Variants in FAT4 observed in about 807,000 individuals in gnomAD.
The protein encoded by FAT4 is protocadherin Fat 4.
A neutral mutation model predicts 303.9 loss-of-function variants in FAT4; 84 were observed. The ratio of observed to expected loss-of-function variants is 0.28; its 90% CI spans 0.23 to 0.33. The LOEUF (loss-of-function observed/expected upper bound fraction) is 0.33. FAT4 is among the 10% of genes least tolerant of loss of function. The pLI is 1.00. For missense variants in FAT4, 6,005 were observed against 6,146.8 expected (o/e 0.98, Z 0.77); for synonymous variants, 2,307 against 2,298.8 (o/e 1.00, Z -0.10).
chr4:125,476,328 A>G (rs1432860084), intron 13 of FAT4, 72 bp downstream of exon 13: 1 of 757,920 alleles, frequency 1.3e-6, no homozygotes, highest in African/African-American at 1.8e-5. Context: ...ACCTAAAAAT[A>G]ATTATAGGAT....
chr4:125,478,399 A>C (rs968605307), intron 14 of FAT4, among the ~76,000 whole-genome samples: 1 of 152,022 alleles, frequency 6.6e-6, no homozygotes, highest in Non-Finnish European at 1.5e-5. Context: ...TTTAAATATC[A>C]ATTTTTTTTT....
chr4:125,341,984 A>G (rs1731815596), intron 2 of FAT4, among the ~76,000 whole-genome samples: 1 of 152,028 alleles, frequency 6.6e-6, no homozygotes, highest in Non-Finnish European at 1.5e-5. Flanking sequence ...CACAGTTAAG[A>G]AAAATGAATC....
At chr4:125,330,510 G>A (rs1389314926) in intron 2 of FAT4, among the ~76,000 whole-genome samples, 3 of 152,196 alleles carry the variant, frequency 2.0e-5, no homozygotes, top group Admixed American at 6.5e-5. Flanking sequence ...TATATGTATA[G>A]GGGTGGGTGT....
chr4:125,347,600 A>G lies in FAT4; in HGVS notation c.5175+26014A>G, dbSNP rs190459980. Among the ~76,000 whole-genome samples, 5 of 151,750 alleles carry G rather than the reference A, an allele frequency of 3.3e-5. No homozygotes were observed. The East Asian group carries it at 5.8e-4, about 18-fold the overall frequency. On this transcript the variant is annotated intron_variant, in intron 2 of 17. Coordinates refer to ENST00000394329, the MANE Select transcript of FAT4 (RefSeq NM_001291303.3). The stretch of plus-strand genomic sequence containing the variant: ...TGTATTTAAAATATAAAGCATAAAT[A>G]TAAATCATAAATAAAAATTACTAAT...
At chr4:125,329,026 C>A (rs1365469199) in intron 2 of FAT4, among the ~76,000 whole-genome samples, 1 of 152,152 alleles carries the variant, frequency 6.6e-6, no homozygotes, top group Non-Finnish European at 1.5e-5. Flanking sequence ...AGTAGGATTA[C>A]TTTAGGTCCC....
In FAT4 at chr4:125,318,239, G is replaced by C. The variant is rs374235705; in HGVS notation, c.1828G>C (p.Gly610Arg). The change falls in exon 2 of 18, where the codon GGG becomes CGG. Residue 610 changes from glycine (G) to arginine (R), a missense_variant. Physicochemically the swap from Gly to Arg is moderately radical, Grantham distance 125. Transcript: ENST00000394329. Reference sequence around the variant, plus strand: ...ACTGTTGATGCTCAGGGCAACTGACGGGGACCTGGGTGACAACGGAACAGT... The same window carrying C: ...ACTGTTGATGCTCAGGGCAACTGACCGGGACCTGGGTGACAACGGAACAGT... ...TELLMLRATD[G>R]DLGDNGTVRF... The C allele has an allele frequency of 3.1e-6, 5 of 1,614,186 alleles. No individual in the cohort carries two copies. In the African/African-American group the frequency reaches 5.3e-5, roughly 17 times the overall value.
chr4:125,360,112 T>C (rs1188746525), intron 2 of FAT4, among the ~76,000 whole-genome samples: 1 of 152,162 alleles, frequency 6.6e-6, no homozygotes. Context: ...TGTTCTTTTC[T>C]GTTAATCTAT....
intron 9 of FAT4, among the ~76,000 whole-genome samples, chr4:125,447,865 CTG>C (rs1269466225): frequency 6.6e-6 from 1 of 151,984 alleles, no homozygotes; most frequent in Admixed American, 6.6e-5. Flanking sequence ...ATGTATATAT[CTG>C]TGTATGTATA....
chr4:125,373,803 C>A (rs1733214266), intron 2 of FAT4, among the ~76,000 whole-genome samples: 1 of 152,118 alleles, frequency 6.6e-6, no homozygotes, highest in Admixed American at 6.6e-5. Context: ...AAAAGTAACA[C>A]CCATCAATAG....
chr4:125,339,376 T>G (rs887658258), intron 2 of FAT4, among the ~76,000 whole-genome samples: 22 of 152,142 alleles, frequency 1.4e-4, no homozygotes, highest in African/African-American at 5.3e-4. Flanking sequence ...TTTTGTATTT[T>G]TAGTAGAGAC....
In FAT4 at chr4:125,451,735, C is replaced by A; in HGVS notation, c.10725C>A (p.Asp3575Glu). The A allele has an allele frequency of 2.5e-6, 4 of 1,614,176 alleles. No individual in the cohort carries two copies. The highest frequency in any genetic ancestry group is 3.4e-6 in the Non-Finnish European group (4 of 1,180,030). Residue 3575 changes from aspartate to glutamate, a missense_variant, in exon 10 of 18, where the codon GAC becomes GAA. Coordinates refer to ENST00000394329, the MANE Select transcript of FAT4 (RefSeq NM_001291303.3). The stretch of plus-strand genomic sequence containing the variant: ...TTCTGAGCACAACCAGAGAGATTGA[C>A]AGAGAGCAGATTGCAGACTTCTATC... ...AGVLSTTREIDREQIADFYLS... is the reference protein window; with the variant it reads ...AGVLSTTREIEREQIADFYLS...
In FAT4 at chr4:125,433,460, C is replaced by T. The variant is rs188822279; in HGVS notation, c.7019-785C>T. On this transcript the variant is annotated intron_variant, in intron 7 of 17. Coordinates refer to ENST00000394329, the MANE Select transcript of FAT4 (RefSeq NM_001291303.3). ...AACCAACAGCAGATAATTTGTCTTTCAGTTATGGGGACAGCCCACAGAATT... is the reference window on the plus strand; with the variant it reads ...AACCAACAGCAGATAATTTGTCTTTTAGTTATGGGGACAGCCCACAGAATT... 2.4e-3 allele frequency among the ~76,000 whole-genome samples: 365 copies of T among 152,256 alleles called. 4 individuals carry two copies. The highest frequency in any genetic ancestry group is 8.0e-3 in the Admixed American group (123 of 15,288).
In FAT4 at chr4:125,318,805, C is replaced by T; in HGVS notation, c.2394C>T (p.Tyr798=). 1 of 1,614,188 alleles carries T rather than the reference C, an allele frequency of 6.2e-7. No individual in the cohort carries two copies. The highest frequency in any genetic ancestry group is 8.5e-7 in the Non-Finnish European group (1 of 1,180,036). Residue 798 remains tyrosine, a synonymous_variant, in exon 2 of 18, where the codon TAC becomes TAT. Coordinates refer to ENST00000394329, the MANE Select transcript of FAT4 (RefSeq NM_001291303.3). ...CACCTGTATTCAGTCAGGTTGCCTA[C>T]AGCTTTGTGGTTTTTGAGAACGTGG... ...DNPPVFSQVA[Y]SFVVFENVAL...
At chr4:125,472,092 G>A (rs1334624259) in intron 12 of FAT4, among the ~76,000 whole-genome samples, 6 of 146,628 alleles carry the variant, frequency 4.1e-5, no homozygotes, top group African/African-American at 1.5e-4. Flanking sequence ...AAAAAAAAGG[G>A]TAGTTACTGG....
intron 10 of FAT4, among the ~76,000 whole-genome samples, chr4:125,456,847 A>G (rs1332515389): frequency 6.6e-6 from 1 of 152,160 alleles, no homozygotes. Context: ...TGATTTTTTA[A>G]AAAATTACTC....
intron 2 of FAT4, among the ~76,000 whole-genome samples, chr4:125,345,107 C>A (rs1731945645): frequency 6.6e-6 from 1 of 151,942 alleles, no homozygotes; most frequent in Non-Finnish European, 1.5e-5. Context: ...ATTTAAATTC[C>A]CACAGTAGCT....
intron 10 of FAT4, among the ~76,000 whole-genome samples, chr4:125,458,248 T>C (rs561402957): frequency 7.0e-4 from 106 of 152,148 alleles, no homozygotes; most frequent in African/African-American, 2.6e-3. Flanking sequence ...GGTTTGTTCA[T>C]TCATCACTTT....
chr4:125,389,405 A>G (rs1733890797), intron 2 of FAT4, among the ~76,000 whole-genome samples: 1 of 152,192 alleles, frequency 6.6e-6, no homozygotes, highest in African/African-American at 2.4e-5. Context: ...TATGCATGAT[A>G]ATATTTAAAT....
chr4:125,482,686 G>A (rs1327493767), intron 16 of FAT4, among the ~76,000 whole-genome samples: 1 of 152,018 alleles, frequency 6.6e-6, no homozygotes, highest in East Asian at 1.9e-4. Flanking sequence ...TCCAGGGATA[G>A]TTCACAGAGA....
Sources: allele counts gnomAD v4.1 joint callset (sites outside exome capture counted in the v4.1 genomes callset), GRCh38; gene constraint gnomAD v4.1.1; transcripts MANE v1.5; gene names NCBI Gene and HGNC (gene_info 2026-07-23, HGNC 2026-07-21).